Variants in MTHFD2L observed in about 807,000 individuals in gnomAD.
MTHFD2L encodes methylenetetrahydrofolate dehydrogenase (NADP+ dependent) 2 like.
A neutral mutation model predicts 34.9 loss-of-function variants in MTHFD2L; 29 were observed. The ratio of observed to expected loss-of-function variants is 0.83; its 90% CI spans 0.62 to 1.13. The LOEUF (loss-of-function observed/expected upper bound fraction) is 1.13. MTHFD2L is among the 50% of genes most tolerant of loss of function. MTHFD2L has a pLI of 0.00. For missense variants in MTHFD2L, 481 were observed against 446.5 expected (o/e 1.08, Z -0.70); for synonymous variants, 167 against 155.7 (o/e 1.07, Z -0.54).
At chr4:74,285,698 T>C (rs1338009888) in intron 7 of MTHFD2L, among the ~76,000 whole-genome samples, 1 of 152,162 alleles carries the variant, frequency 6.6e-6, no homozygotes, top group Non-Finnish European at 1.5e-5. Flanking sequence ...TAAACAAATA[T>C]AATTTCTCCC....
intron 5 of MTHFD2L, among the ~76,000 whole-genome samples, chr4:74,203,034 A>T (rs1464009302): frequency 6.6e-6 from 1 of 152,194 alleles, no homozygotes; most frequent in African/African-American, 2.4e-5. Context: ...ACAAAGCTCT[A>T]TGGAAAAATA....
rs1346623555 is a variant in MTHFD2L, at chr4:74,158,210, C to G, written c.72C>G (p.Ser24Arg). ...GCCGAGCGCCGGCGTTGGGCAGAAGCACAGCACCCTCCGTAAGGGCACCGG... is the reference window on the plus strand; with the variant it reads ...GCCGAGCGCCGGCGTTGGGCAGAAGGACAGCACCCTCCGTAAGGGCACCGG... ...RLGRAPALGR[S>R]TAPSVRAPGE... Residue 24 changes from serine to arginine, a missense_variant, in exon 1 of 8, where the codon AGC becomes AGG. By Grantham distance (110) the Ser-to-Arg change is moderately radical. Transcript: ENST00000325278. The G allele has an allele frequency of 6.6e-7, 1 of 1,519,290 alleles. No homozygotes were observed. 94.1% of individuals were successfully genotyped at this position (1,519,290 alleles called of 1,614,324 possible).
At chr4:74,252,154 A>G (rs1188989560) in intron 6 of MTHFD2L, among the ~76,000 whole-genome samples, 1 of 152,262 alleles carries the variant, frequency 6.6e-6, no homozygotes, top group Non-Finnish European at 1.5e-5. Context: ...ACCTTCTGCC[A>G]TATAGCTTGC....
chr4:74,196,024 AT>A lies in MTHFD2L; in HGVS notation c.452-3760del, dbSNP rs1232187286. Among the ~76,000 whole-genome samples the A allele has an allele frequency of 2.9e-4, 43 of 150,484 alleles. No individual in the cohort carries two copies. In the East Asian group the frequency reaches 5.1e-3, roughly 18 times the overall value. On this transcript the variant is annotated intron_variant, in intron 3 of 7. Transcript: ENST00000325278. The stretch of plus-strand genomic sequence containing the variant: ...AGCTTAGTGATTTTGGGGGCCCAAG[AT>A]TTTTTTTTTCACACCATCAACTGAG...
intron 6 of MTHFD2L, chr4:74,280,125 T>C (rs538175671): frequency 6.6e-6 from 1 of 152,204 alleles, no homozygotes; most frequent in East Asian, 1.9e-4. Flanking sequence ...AGAAGCATTG[T>C]GATAGAATAA....
chr4:74,227,496 TG>T (rs752830128), intron 6 of MTHFD2L, among the ~76,000 whole-genome samples: 6 of 150,880 alleles, frequency 4.0e-5, no homozygotes, highest in Non-Finnish European at 8.8e-5. Context: ...GAACCATTCC[TG>T]GGGGAAGAGC....
chr4:74,174,753 G>A, intron 2 of MTHFD2L, 63 bp downstream of exon 2: 1 of 1,132,320 alleles, frequency 8.8e-7, no homozygotes, highest in South Asian at 2.8e-5. Flanking sequence ...TTCAAATTGT[G>A]ATAATTATGA....
At chr4:74,183,388 G>T (rs561821891) in intron 3 of MTHFD2L, 1 of 152,272 alleles carries the variant, frequency 6.6e-6, no homozygotes, top group South Asian at 2.1e-4. Context: ...AAAGGCCCGG[G>T]TGTGGTGGCT....
chr4:74,243,239 G>A (rs189237860), intron 6 of MTHFD2L, among the ~76,000 whole-genome samples: 10 of 152,222 alleles, frequency 6.6e-5, no homozygotes, highest in African/African-American at 1.4e-4. Context: ...TGCATAAATC[G>A]GATATATTTT....
intron 6 of MTHFD2L, chr4:74,267,881 A>T: frequency 1.0e-6 from 1 of 985,318 alleles, no homozygotes; most frequent in Non-Finnish European, 1.2e-6. Flanking sequence ...AAAGCCCTAG[A>T]CGATCCAATA....
At chr4:74,295,094 A>G (rs748225018) in intron 7 of MTHFD2L, among the ~76,000 whole-genome samples, 1 of 151,892 alleles carries the variant, frequency 6.6e-6, no homozygotes, top group Non-Finnish European at 1.5e-5. Flanking sequence ...TTCATGAAAG[A>G]CTCTTTTAAA....
At chr4:74,206,296 C>T (rs1735302309) in intron 5 of MTHFD2L, among the ~76,000 whole-genome samples, 1 of 152,062 alleles carries the variant, frequency 6.6e-6, no homozygotes, top group South Asian at 2.1e-4. Context: ...GTTCTGGTGG[C>T]TAACTTGGGT....
intron 1 of MTHFD2L, among the ~76,000 whole-genome samples, chr4:74,131,157 T>G (rs973103723): frequency 6.6e-6 from 1 of 152,236 alleles, no homozygotes; most frequent in African/African-American, 2.4e-5. Flanking sequence ...AAGGCCATAC[T>G]GCCCAAAGTA....
chr4:74,191,596 G>A, intron 3 of MTHFD2L, among the ~76,000 whole-genome samples: 1 of 151,910 alleles, frequency 6.6e-6, no homozygotes, highest in East Asian at 1.9e-4. Context: ...TGTTGCCTGG[G>A]CTGGAGTGCA....
intron 7 of MTHFD2L, among the ~76,000 whole-genome samples, chr4:74,298,152 T>C (rs1296763147): frequency 6.6e-6 from 1 of 152,118 alleles, no homozygotes; most frequent in African/African-American, 2.4e-5. Context: ...TTCATATCCA[T>C]ATACTTTATT....
chr4:74,192,704 A>T (rs1372330705), intron 3 of MTHFD2L, among the ~76,000 whole-genome samples: 1 of 152,100 alleles, frequency 6.6e-6, no homozygotes, highest in East Asian at 1.9e-4. Flanking sequence ...TTTCGTATAC[A>T]TATTCCATTT....
intron 1 of MTHFD2L, among the ~76,000 whole-genome samples, chr4:74,164,232 T>C (rs1342690508): frequency 6.6e-6 from 1 of 152,188 alleles, no homozygotes; most frequent in East Asian, 1.9e-4. Flanking sequence ...GTTGAAGTCG[T>C]GAATAAAGAT....
chr4:74,278,956 T>C (rs1259891630), intron 6 of MTHFD2L, among the ~76,000 whole-genome samples: 15 of 152,116 alleles, frequency 9.9e-5, no homozygotes, highest in Non-Finnish European at 1.5e-5. Flanking sequence ...AGTTTTCTAA[T>C]ATGTTATTTA....
intron 6 of MTHFD2L, among the ~76,000 whole-genome samples, chr4:74,229,902 G>A (rs1739744321): frequency 6.6e-6 from 1 of 152,058 alleles, no homozygotes; most frequent in African/African-American, 2.4e-5. Context: ...CATAGTACCT[G>A]TTTATAGTTG....
Sources: allele counts gnomAD v4.1 joint callset (sites outside exome capture counted in the v4.1 genomes callset), GRCh38; gene constraint gnomAD v4.1.1; transcripts MANE v1.5; gene names NCBI Gene and HGNC (gene_info 2026-07-23, HGNC 2026-07-21).